Variants in FRMD4B observed in about 807,000 individuals in gnomAD.
The protein encoded by FRMD4B is FERM domain-containing protein 4B.
A neutral mutation model predicts 141.5 loss-of-function variants in FRMD4B; 74 were observed. The ratio of observed to expected loss-of-function variants is 0.52; its 90% CI spans 0.43 to 0.63. The LOEUF (loss-of-function observed/expected upper bound fraction) is 0.63, where lower values mean the gene tolerates loss of function less well. Among genes scored for constraint, FRMD4B ranks in the 30% least tolerant of loss-of-function variants. The probability of loss-of-function intolerance (pLI) is 0.00; values close to 1 mark genes in which losing one functional copy is unlikely to be tolerated. For missense variants in FRMD4B, 1,366 were observed against 1,253.4 expected, an observed-to-expected ratio of 1.09 and a Z score of -1.36; for synonymous variants, 506 against 467.9, an observed-to-expected ratio of 1.08 and a Z score of -1.05.
At chr3:69,261,832 C>T (rs1293948435) in intron 5 of FRMD4B, among the ~76,000 whole-genome samples, 2 of 152,096 alleles carry the variant, frequency 1.3e-5, no homozygotes, top group African/African-American at 4.8e-5. Flanking sequence ...GCCACCATGC[C>T]TGGCTAATTT....
intron 7 of FRMD4B, among the ~76,000 whole-genome samples, chr3:69,244,671 G>T (rs1432689583): frequency 6.6e-6 from 1 of 152,006 alleles, no homozygotes; most frequent in Non-Finnish European, 1.5e-5. Context: ...GACGTGGGCG[G>T]ATCACTGAGG....
chr3:69,398,066 A>AAAAAAAT (rs1370079547), intron 2 of FRMD4B, among the ~76,000 whole-genome samples: 1 of 152,174 alleles, frequency 6.6e-6, no homozygotes, highest in Non-Finnish European at 1.5e-5. Flanking sequence ...ATCAGAGCAG[A>AAAAAAAT]AAAAAATACT....
At chr3:69,226,112 C>T (rs185517312) in intron 7 of FRMD4B, among the ~76,000 whole-genome samples, 1 of 152,314 alleles carries the variant, frequency 6.6e-6, no homozygotes, top group Non-Finnish European at 1.5e-5. Flanking sequence ...TGAACCATTC[C>T]TTGTTGCTAT....
chr3:69,344,764 G>C (rs899836820), intron 1 of FRMD4B, among the ~76,000 whole-genome samples: 3 of 151,922 alleles, frequency 2.0e-5, no homozygotes, highest in African/African-American at 7.2e-5. Context: ...AGAAATGATA[G>C]TATAAAAGCA....
At chr3:69,296,410 G>A (rs1701037021) in intron 4 of FRMD4B, among the ~76,000 whole-genome samples, 1 of 152,096 alleles carries the variant, frequency 6.6e-6, no homozygotes, top group Non-Finnish European at 1.5e-5. Context: ...AGGATTCCGT[G>A]TCTTTCTTGA....
At chr3:69,325,148 G>T (rs1702153166) in intron 1 of FRMD4B, among the ~76,000 whole-genome samples, 1 of 142,962 alleles carries the variant, frequency 7.0e-6, no homozygotes, top group Non-Finnish European at 1.5e-5. Flanking sequence ...TTGATGGAGA[G>T]AACTTATATT....
chr3:69,260,730 A>T (rs2106850953), intron 5 of FRMD4B, among the ~76,000 whole-genome samples: 1 of 152,366 alleles, frequency 6.6e-6, no homozygotes, highest in Admixed American at 6.5e-5. Flanking sequence ...TTAAGTAGGA[A>T]CTTGGAGAAC....
At chr3:69,487,134 T>G (rs533392983) in intron 1 of FRMD4B, among the ~76,000 whole-genome samples, 19 of 152,330 alleles carry the variant, frequency 1.2e-4, no homozygotes, top group African/African-American at 4.3e-4. Flanking sequence ...TTGCATGTAC[T>G]GAATCTCCAC....
intron 3 of FRMD4B, among the ~76,000 whole-genome samples, chr3:69,310,204 G>C (rs558730837): frequency 1.3e-5 from 2 of 152,128 alleles, no homozygotes; most frequent in Non-Finnish European, 2.9e-5. Flanking sequence ...TGCAAGTCCT[G>C]AGCCTGCTGG....
chr3:69,219,418 G>A (rs938033209), intron 9 of FRMD4B, among the ~76,000 whole-genome samples: 5 of 151,982 alleles, frequency 3.3e-5, no homozygotes, highest in African/African-American at 4.8e-5. Flanking sequence ...TAAATGGCCC[G>A]CATGCAAATG....
At chr3:69,301,971 A>G (rs555428082) in intron 4 of FRMD4B, among the ~76,000 whole-genome samples, 1 of 152,380 alleles carries the variant, frequency 6.6e-6, no homozygotes, top group East Asian at 1.9e-4. Flanking sequence ...AAAATGTAAT[A>G]GCAAATGTTT....
rs1213244900 is a variant in FRMD4B, at chr3:69,359,939, G to C, written c.162+25889C>G. Among the ~76,000 whole-genome samples the C allele has an allele frequency of 2.6e-5, 4 of 152,274 alleles. No homozygotes were observed. In the East Asian group the frequency reaches 5.8e-4, roughly 22 times the overall value. On this transcript the variant is annotated intron_variant, in intron 1 of 22. Coordinates refer to ENST00000398540, the MANE Select transcript of FRMD4B (RefSeq NM_015123.3). The stretch of plus-strand genomic sequence containing the variant: ...CTGGTAGCATAAGTCTCCCCAGTTG[G>C]GGGTAGAAGAACAGGATTTGAACCC...
chr3:69,199,340 C>T (rs2092944028), intron 11 of FRMD4B: 1 of 152,472 alleles, frequency 6.6e-6, no homozygotes, highest in Non-Finnish European at 1.5e-5. Context: ...TGTGGAAGAA[C>T]ATGTACACTA....
At chr3:69,202,775 C>T (rs566551610) in intron 11 of FRMD4B, among the ~76,000 whole-genome samples, 124 of 152,146 alleles carry the variant, frequency 8.2e-4, no homozygotes, top group African/African-American at 2.8e-3. Flanking sequence ...CTAGTTGTGC[C>T]TTTTGATATC....
chr3:69,523,060 G>A (rs913131747), intron 1 of FRMD4B, among the ~76,000 whole-genome samples: 7 of 150,716 alleles, frequency 4.6e-5, no homozygotes, highest in Non-Finnish European at 4.4e-5. Context: ...AATACAAGAA[G>A]TGTTAGTGCA....
chr3:69,269,949 A>T (rs2093586753), intron 5 of FRMD4B, among the ~76,000 whole-genome samples: 1 of 152,208 alleles, frequency 6.6e-6, no homozygotes. Context: ...TTAAAGTTGT[A>T]ACCATTTGTG....
chr3:69,532,327 T>C (rs770171254), intron 1 of FRMD4B, among the ~76,000 whole-genome samples: 1 of 152,186 alleles, frequency 6.6e-6, no homozygotes, highest in Non-Finnish European at 1.5e-5. Context: ...ACTGAAACTT[T>C]CCACTGATAC....
At chr3:69,497,691 A>G (rs1049571709) in intron 1 of FRMD4B, among the ~76,000 whole-genome samples, 1 of 152,208 alleles carries the variant, frequency 6.6e-6, no homozygotes, top group African/African-American at 2.4e-5. Context: ...AATTTTTACC[A>G]TTACAGAAGA....
intron 1 of FRMD4B, among the ~76,000 whole-genome samples, chr3:69,350,939 C>G (rs932310072): frequency 3.3e-5 from 5 of 151,838 alleles, no homozygotes; most frequent in African/African-American, 1.2e-4. Context: ...ATGTAACAAA[C>G]CTGCACATTG....
Sources: allele counts gnomAD v4.1 joint callset (sites outside exome capture counted in the v4.1 genomes callset), GRCh38; gene constraint gnomAD v4.1.1; transcripts MANE v1.5; gene names NCBI Gene and HGNC (gene_info 2026-07-23, HGNC 2026-07-21).